NCSTN: variants seen among roughly 807,000 people sequenced by gnomAD.
NCSTN encodes the protein nicastrin, also known as anterior pharynx-defective 2.
In NCSTN, 22 loss-of-function variants were observed where a neutral mutation model predicts 87.0. The observed-to-expected ratio is 0.25, with a 90% CI of 0.18 to 0.36. The LOEUF (loss-of-function observed/expected upper bound fraction) is 0.36, where lower values mean the gene tolerates loss of function less well. Ranked by LOEUF, NCSTN falls within the 10% of genes least tolerant of loss-of-function variation. The pLI, the probability that NCSTN is intolerant of heterozygous loss-of-function variation, is 1.00. For missense variants in NCSTN, 693 were observed against 883.3 expected (o/e 0.78, Z 2.73); for synonymous variants, 306 against 327.1 (o/e 0.94, Z 0.69).
intron 2 of NCSTN, among the ~76,000 whole-genome samples, chr1:160,348,655 T>G (rs1432913045): frequency 6.6e-6 from 1 of 152,234 alleles, no homozygotes; most frequent in Non-Finnish European, 1.5e-5. Context: ...AGAGATTTAG[T>G]GGCATTTCCT....
At chr1:160,346,686 A>G (rs1648510362) in intron 2 of NCSTN, among the ~76,000 whole-genome samples, 1 of 151,938 alleles carries the variant, frequency 6.6e-6, no homozygotes, top group Non-Finnish European at 1.5e-5. Context: ...GCTCACTGCA[A>G]CTTCCTCCTC....
At chr1:160,355,567 T>C in intron 11 of NCSTN, 88 bp from the exon 12 acceptor site, 1 of 925,218 alleles carries the variant, frequency 1.1e-6, no homozygotes, top group Non-Finnish European at 1.8e-6. Context: ...AATGAGATAC[T>C]GAGTCCCTGC....
intron 15 of NCSTN, 97 bp downstream of exon 15, chr1:160,356,851 G>A (rs2101910213): frequency 6.6e-7 from 1 of 1,504,544 alleles, no homozygotes; most frequent in Non-Finnish European, 9.1e-7. Flanking sequence ...GGATTGGGAT[G>A]GAGAGGTGGA....
chr1:160,355,430 A>G (rs1649077146), intron 11 of NCSTN, among the ~76,000 whole-genome samples: 1 of 152,148 alleles, frequency 6.6e-6, no homozygotes, highest in African/African-American at 2.4e-5. Flanking sequence ...CAGCTTTTCT[A>G]CCTTGTCTGT....
intron 5 of NCSTN, 66 bp from the exon 6 acceptor site, chr1:160,351,156 C>T: frequency 6.4e-7 from 1 of 1,562,168 alleles, no homozygotes; most frequent in Non-Finnish European, 8.8e-7. Flanking sequence ...GGCCCTCCTC[C>T]TTCTGGGATG....
At position 160,351,711 on chromosome 1, in the gene NCSTN, C is replaced by A; in HGVS notation, c.749C>A (p.Pro250His). The change falls in exon 7 of 17, where the codon CCC (proline) becomes CAC (histidine). Residue 250 changes from proline to histidine, a missense_variant. Pro to His is a moderately conservative substitution (Grantham distance 77). Around this residue, in one of 4 missense-constraint regions of NCSTN, gnomAD observed 134 missense variants for 226.0 expected, o/e 0.59. Transcript: ENST00000294785. ...FSINPEIVCD[P>H]LSDYNVWSML... ...TCCTGCTTAGAAATCGTCTGTGACC[C>A]CCTGTCTGATTACAATGTGTGGAGC... 1 of 1,607,758 alleles carries A rather than the reference C, an allele frequency of 6.2e-7. No homozygotes were observed. Among genetic ancestry groups the A allele is most frequent in the Non-Finnish European group, 8.5e-7 (1 of 1,174,192 alleles).
chr1:160,349,075 C>T lies in NCSTN; in HGVS notation c.267C>T (p.Gly89=). The T allele has an allele frequency of 6.2e-7, 1 of 1,614,094 alleles. No individual in the cohort carries two copies. Among genetic ancestry groups the T allele is most frequent in the Non-Finnish European group, 8.5e-7 (1 of 1,179,990 alleles). ...ACCTACAGTGGGTATTGACTGATGGCCCCAACCCCCCTTACATGGTTCTGC... is the reference window on the plus strand; with the variant it reads ...ACCTACAGTGGGTATTGACTGATGGTCCCAACCCCCCTTACATGGTTCTGC... The part of the protein sequence containing the change: ...EEDLQWVLTD[G]PNPPYMVLLE... The change falls in exon 3 of 17, where the codon GGC becomes GGT. Residue 89 remains glycine (G), a synonymous_variant. Coordinates refer to ENST00000294785, the MANE Select transcript of NCSTN (RefSeq NM_015331.3).
rs143061423 is a variant in NCSTN at position 160,347,985 on chromosome 1, G to A, written c.191-1014G>A. Among the ~76,000 whole-genome samples the A allele has an allele frequency of 2.1e-3, 316 of 152,358 alleles. 2 individuals are homozygous for A. The highest frequency in any genetic ancestry group is 7.4e-3 in the African/African-American group (309 of 41,580). On this transcript the variant is annotated intron_variant, in intron 2 of 16. Coordinates refer to ENST00000294785, the MANE Select transcript of NCSTN (RefSeq NM_015331.3). Reference sequence around the variant, plus strand: ...TGTTTTAAATGCTGTGGCAAGGGCCGGGCATGGTGGCTCACTCCTGTAACC... The same window carrying A: ...TGTTTTAAATGCTGTGGCAAGGGCCAGGCATGGTGGCTCACTCCTGTAACC...
chr1:160,356,780 G>C (rs1338940352), intron 15 of NCSTN, 26 bp downstream of exon 15: 1 of 1,613,860 alleles, frequency 6.2e-7, no homozygotes, highest in Non-Finnish European at 8.5e-7. Flanking sequence ...TGTTGGAAGT[G>C]CCCTGGGGCC....
chr1:160,343,532 CG>C (rs1557880241), intron 1 of NCSTN, 51 bp downstream of exon 1: 1 of 1,516,234 alleles, frequency 6.6e-7, no homozygotes, highest in East Asian at 2.4e-5. Context: ...ACTCTCGGAT[CG>C]GCCCCGCCGC....
At chr1:160,356,111 T>A (rs1279347292) in intron 13 of NCSTN, 149 bp from the exon 14 acceptor site, 2 of 1,011,972 alleles carry the variant, frequency 2.0e-6, no homozygotes, top group Admixed American at 3.9e-5. Flanking sequence ...GTGGGCCTCA[T>A]CTGCATCTTA....
chr1:160,354,778 T>C lies in NCSTN; in HGVS notation c.1352+488T>C, dbSNP rs141433732. Among the ~76,000 whole-genome samples, 88 of 152,310 alleles carry C rather than the reference T, an allele frequency of 5.8e-4. 1 individual carries two copies. The highest frequency in any genetic ancestry group is 6.8e-3 in the Middle Eastern group (2 of 294). On this transcript the variant is annotated intron_variant, in intron 11 of 16. Transcript: ENST00000294785. ...CGAGGGTAAAAGTGCCTCCTATAGC[T>C]GATGGGGCTCCAGAGATACAAAGGG... is the stretch of plus-strand genomic sequence containing the variant.
chr1:160,349,354 T>C (rs1478174105), intron 3 of NCSTN, 195 bp from the exon 4 acceptor site: 6 of 769,090 alleles, frequency 7.8e-6, no homozygotes, highest in Admixed American at 2.1e-5. Flanking sequence ...CCTCCCTCCC[T>C]GGGGTCCTTA....
Position 160,357,034 on chromosome 1 carries a change from TG to T in NCSTN, c.1795-6del, listed in dbSNP as rs747645397. ...TAGCCGTGTGTTGTGGCGCATCTTC[TG>T]TGCAGCTGTATGAGTACTCATGGGT... is the stretch of plus-strand genomic sequence containing the variant. On this transcript the variant is annotated splice_polypyrimidine_tract_variant and splice_region_variant and intron_variant, in intron 15 of 16. Transcript: ENST00000294785. 1 of 1,611,970 alleles carries T rather than the reference TG, an allele frequency of 6.2e-7. No homozygotes were observed. Among genetic ancestry groups the T allele is most frequent in the Admixed American group, 1.7e-5 (1 of 60,002 alleles).
At position 160,356,605 on chromosome 1, in the gene NCSTN, G is replaced by A. The variant is rs138971211; in HGVS notation, c.1645G>A (p.Gly549Arg). ...RQDLRSYLGD[G>R]PLQHYIAVSS... ...TCCCTTTGGTCTGCACTCAGGTGAC[G>A]GGCCTCTTCAACATTACATCGCTGT... Residue 549 changes from glycine to arginine, a missense_variant, in exon 15 of 17, where the codon GGG becomes AGG. Gly to Arg is a moderately radical substitution (Grantham distance 125). Transcript: ENST00000294785. 20 of 1,613,998 alleles carry A rather than the reference G, an allele frequency of 1.2e-5. No individual in the cohort carries two copies. The highest frequency in any genetic ancestry group is 3.3e-5 in the Admixed American group (2 of 60,000).
At chr1:160,357,491 G>T (rs545404388) in intron 16 of NCSTN, among the ~76,000 whole-genome samples, 1 of 152,142 alleles carries the variant, frequency 6.6e-6, no homozygotes, top group Non-Finnish European at 1.5e-5. Flanking sequence ...TGCAACCTCC[G>T]TCCCTTGGGT....
At chr1:160,354,065 C>G in intron 10 of NCSTN, 53 bp from the exon 11 acceptor site, 1 of 1,576,476 alleles carries the variant, frequency 6.3e-7, no homozygotes, top group Admixed American at 1.7e-5. Flanking sequence ...AAAGAGACCT[C>G]CTGCTTCCCA....
Position 160,355,762 on chromosome 1 carries a change from C to T in NCSTN, c.1455+5C>T. 2.5e-6 allele frequency: 4 copies of T among 1,612,370 alleles called. No homozygotes were observed. The highest frequency in any genetic ancestry group is 1.3e-5 in the African/African-American group (1 of 75,038). ...TTTGTAACAGACACTGCCAAGGTAG[C>T]ACTGAGCCAGGCTGGGTGGGAGCCT... On this transcript the variant is annotated splice_donor_5th_base_variant and intron_variant, in intron 12 of 16. Coordinates refer to ENST00000294785, the MANE Select transcript of NCSTN (RefSeq NM_015331.3).
At chr1:160,352,009 A>G (rs773020426) in intron 7 of NCSTN, 45 bp from the exon 8 acceptor site, 4 of 1,608,062 alleles carry the variant, frequency 2.5e-6, no homozygotes, top group Non-Finnish European at 3.4e-6. Context: ...GTTTGGGGCC[A>G]GTTTTAAAGT....
Sources: allele counts gnomAD v4.1 joint callset (sites outside exome capture counted in the v4.1 genomes callset), GRCh38; gene constraint gnomAD v4.1.1; regional missense constraint gnomAD v4.1.1; transcripts MANE v1.5; gene names NCBI Gene and HGNC (gene_info 2026-07-23, HGNC 2026-07-21).